The following FILIP1 variants were observed in gnomAD, a reference collection of about 807,000 sequenced individuals.
The protein encoded by FILIP1 is filamin-A-interacting protein 1.
In FILIP1, 61 loss-of-function variants were observed where a neutral mutation model predicts 102.1. That is an observed-to-expected ratio of 0.60 (90% confidence interval 0.49 to 0.74). FILIP1 has a LOEUF of 0.74. Ranked by LOEUF, FILIP1 falls within the 30% of genes least tolerant of loss-of-function variation. The probability of loss-of-function intolerance (pLI) is 0.00; values close to 1 mark genes in which losing one functional copy is unlikely to be tolerated. For synonymous variants in FILIP1, 491 were observed against 526.9 expected (o/e 0.93, Z 0.93); for missense variants, 1,314 against 1,441.2 (o/e 0.91, Z 1.43).
At chr6:75,411,457 A>G (rs531258141) in intron 2 of FILIP1, among the ~76,000 whole-genome samples, 26 of 152,240 alleles carry the variant, frequency 1.7e-4, no homozygotes, top group African/African-American at 6.3e-4. Context: ...TTTTGTTGCC[A>G]TTGCTTTTGG....
chr6:75,328,042 T>C (rs181429664), intron 4 of FILIP1, among the ~76,000 whole-genome samples: 57 of 152,284 alleles, frequency 3.7e-4, no homozygotes, highest in Admixed American at 5.9e-4. Context: ...GGCAACTACA[T>C]AGGATAAACA....
At chr6:75,431,838 A>T (rs898575880) in intron 1 of FILIP1, among the ~76,000 whole-genome samples, 3 of 152,244 alleles carry the variant, frequency 2.0e-5, no homozygotes, top group Non-Finnish European at 4.4e-5. Flanking sequence ...GATAAGGAGA[A>T]ATATGAAAGA....
intron 1 of FILIP1, among the ~76,000 whole-genome samples, chr6:75,438,933 T>C (rs1348301951): frequency 1.3e-5 from 2 of 152,142 alleles, no homozygotes; most frequent in Non-Finnish European, 2.9e-5. Flanking sequence ...TAGAAAGATT[T>C]TGAACGACTC....
chr6:75,358,149 A>G (rs556897306), intron 3 of FILIP1, among the ~76,000 whole-genome samples: 3 of 152,354 alleles, frequency 2.0e-5, no homozygotes, highest in Admixed American at 6.5e-5. Context: ...GAGAAGTACA[A>G]TAACTTGAGG....
intron 4 of FILIP1, among the ~76,000 whole-genome samples, chr6:75,320,766 C>T (rs1362676349): frequency 6.6e-6 from 1 of 152,150 alleles, no homozygotes; most frequent in Non-Finnish European, 1.5e-5. Context: ...GAGCAATGGC[C>T]TCCCTTGAAG....
In FILIP1 at chr6:75,384,328, C is replaced by T. The variant is rs569571319; in HGVS notation, c.277-21411G>A. ...CCTTTACCAGACATCTCTGATTTGT[C>T]CTGCTCCTTGCTTTATATGGAAGTT... On this transcript the variant is annotated intron_variant, in intron 2 of 5. Transcript: ENST00000237172. 3.9e-5 allele frequency among the ~76,000 whole-genome samples: 6 copies of T among 152,274 alleles called. 1 individual carries two copies. In the South Asian group the frequency reaches 6.2e-4, roughly 16 times the overall value.
intron 1 of FILIP1, among the ~76,000 whole-genome samples, chr6:75,459,691 T>C (rs969392572): frequency 1.3e-5 from 2 of 152,200 alleles, no homozygotes; most frequent in African/African-American, 2.4e-5. Flanking sequence ...TTTAGACACA[T>C]AATTTTCTGT....
At chr6:75,429,600 A>G (rs2998388) in intron 1 of FILIP1, among the ~76,000 whole-genome samples, 3,583 of 152,236 alleles carry the variant, frequency 0.024, 163 homozygotes, top group African/African-American at 0.08. Context: ...GCACTCCTGA[A>G]TGGTCCCTGT....
chr6:75,487,702 T>G (rs1451763985), intron 1 of FILIP1, among the ~76,000 whole-genome samples: 12 of 152,156 alleles, frequency 7.9e-5, no homozygotes, highest in Admixed American at 4.6e-4. Context: ...CAGCCAATTA[T>G]TTTTTAAAGA....
intron 2 of FILIP1, among the ~76,000 whole-genome samples, chr6:75,398,257 A>C (rs1776532965): frequency 6.6e-6 from 1 of 152,186 alleles, no homozygotes; most frequent in Non-Finnish European, 1.5e-5. Context: ...ATATGATATG[A>C]GTCACTTTGA....
intron 2 of FILIP1, among the ~76,000 whole-genome samples, chr6:75,397,004 G>A (rs937219952): frequency 4.7e-5 from 6 of 128,754 alleles, no homozygotes; most frequent in South Asian, 3.0e-4. Flanking sequence ...ATCACACACC[G>A]GGGCCTATTG....
At chr6:75,300,683 T>C (rs1045260103) in intron 6 of FILIP1, among the ~76,000 whole-genome samples, 3 of 152,224 alleles carry the variant, frequency 2.0e-5, no homozygotes, top group Admixed American at 6.5e-5. Context: ...TGTATTCCTC[T>C]TTTGGATTCA....
chr6:75,417,793 G>A (rs1385424987), intron 1 of FILIP1, among the ~76,000 whole-genome samples: 4 of 152,182 alleles, frequency 2.6e-5, no homozygotes, highest in African/African-American at 9.7e-5. Flanking sequence ...TTGAACTCAG[G>A]TCGGACACTA....
chr6:75,438,774 A>T (rs775483277), intron 1 of FILIP1, among the ~76,000 whole-genome samples: 1 of 152,246 alleles, frequency 6.6e-6, no homozygotes, highest in African/African-American at 2.4e-5. Flanking sequence ...TCTCAGAATC[A>T]TAAGGCCCCT....
In FILIP1 at chr6:75,313,272, C is replaced by T; in HGVS notation, c.2560G>A (p.Asp854Asn). Residue 854 changes from aspartate to asparagine, a missense_variant, in exon 5 of 6, where the codon GAC becomes AAC. Physicochemically the swap from Asp to Asn is conservative, Grantham distance 23. This residue lies in a region of FILIP1 where 816 missense variants were observed against 913.1 expected (regional missense o/e 0.89). Transcript: ENST00000237172. The surrounding 1 kb of genome is among the most constrained non-coding windows in gnomAD (Gnocchi z 4.2). ...KKPVERSSVLDRYPPAANELT... is the reference protein window; with the variant it reads ...KKPVERSSVLNRYPPAANELT... ...TCATTTGCTGCTGGAGGATACCTGT[C>T]TAGAACAGAAGATCTTTCCACGGGT... 1 of 1,614,170 alleles carries T rather than the reference C, an allele frequency of 6.2e-7. No individual in the cohort carries two copies. The highest frequency in any genetic ancestry group is 8.5e-7 in the Non-Finnish European group (1 of 1,180,032).
At chr6:75,375,094 G>T (rs140593579) in intron 2 of FILIP1, among the ~76,000 whole-genome samples, 1 of 152,228 alleles carries the variant, frequency 6.6e-6, no homozygotes, top group African/African-American at 2.4e-5. Flanking sequence ...CAGAGGGGAG[G>T]GGTGAGTCTG....
At position 75,308,289 on chromosome 6, in the gene FILIP1, T is replaced by A. The variant is rs538033029; in HGVS notation, c.*402A>T. 5.0e-6 allele frequency: 5 copies of A among 993,566 alleles called. No homozygotes were observed. The African/African-American group carries it at 8.7e-5, about 17-fold the overall frequency. The allele number at this position is 993,566 out of a possible 1,614,324, so 61.5% of individuals were successfully genotyped here. The stretch of plus-strand genomic sequence containing the variant: ...TATGTCTTATTTTGTAATAGGATTT[T>A]TTTAATAAAAAATTATTGTGGAACA... On this transcript the variant is annotated 3_prime_UTR_variant, in exon 6 of 6. Transcript: ENST00000237172.
At chr6:75,481,340 G>A (rs934541416) in intron 1 of FILIP1, among the ~76,000 whole-genome samples, 1 of 152,186 alleles carries the variant, frequency 6.6e-6, no homozygotes, top group East Asian at 1.9e-4. Flanking sequence ...CTTACTAAAT[G>A]TGAAGCAGGA....
chr6:75,344,926 T>C (rs1332869136), intron 4 of FILIP1, among the ~76,000 whole-genome samples: 1 of 152,194 alleles, frequency 6.6e-6, no homozygotes, highest in Non-Finnish European at 1.5e-5. Flanking sequence ...CTCTAAAACA[T>C]GAAAAATTTT....
Sources: gnomAD v4.1 joint callset for allele counts (sites outside exome capture counted in the v4.1 genomes callset) on GRCh38, gnomAD v4.1.1 for gene constraint, gnomAD v4.1.1 regional missense constraint, Gnocchi (gnomAD v3.1) non-coding constraint, MANE v1.5 for transcripts, NCBI Gene and HGNC (gene_info 2026-07-23, HGNC 2026-07-21) for gene names.